The following NUDT1 variants were observed in gnomAD, a reference collection of about 807,000 sequenced individuals.
The protein encoded by NUDT1 is nudix hydrolase 1, also known as oxidized purine nucleoside triphosphate hydrolase.
NUDT1 carries 16 observed loss-of-function variants against 11.3 expected under a neutral mutation model. The observed-to-expected ratio is 1.41, with a 90% CI of 0.96 to 2.15. The LOEUF (loss-of-function observed/expected upper bound fraction) is 2.15. NUDT1 is among the 30% of genes most tolerant of loss of function. The pLI, the probability that NUDT1 is intolerant of heterozygous loss-of-function variation, is 0.00. For missense variants in NUDT1, 234 were observed against 208.4 expected (o/e 1.12, Z -0.76); for synonymous variants, 101 against 84.4 (o/e 1.20, Z -1.08).
chr7:2,250,887 C>G lies in NUDT1; in HGVS notation c.357C>G (p.Asp119Glu). 6.2e-7 allele frequency: 1 copy of G among 1,614,074 alleles called. No individual in the cohort carries two copies. Among genetic ancestry groups the G allele is most frequent in the Non-Finnish European group, 8.5e-7 (1 of 1,179,996 alleles). ...DQIPFKDMWP[D>E]DSYWFPLLLQ... ...TCCCCTTCAAGGACATGTGGCCCGACGACAGCTACTGGTTTCCACTCCTGC... is the reference window on the plus strand; with the variant it reads ...TCCCCTTCAAGGACATGTGGCCCGAGGACAGCTACTGGTTTCCACTCCTGC... Residue 119 changes from aspartate (D) to glutamate (E), a missense_variant, in exon 4 of 4, where the codon GAC becomes GAG. By Grantham distance (45) the Asp-to-Glu change is conservative. Coordinates refer to ENST00000356714, the MANE Select transcript of NUDT1 (RefSeq NM_002452.4).
intron 2 of NUDT1, 44 bp downstream of exon 2, chr7:2,244,770 G>T: frequency 6.3e-7 from 1 of 1,581,702 alleles, no homozygotes; most frequent in Non-Finnish European, 8.6e-7. Flanking sequence ...CTTTCCCAGG[G>T]CACAGGGATT....
chr7:2,249,799 G>A (rs1345233810), intron 2 of NUDT1, 58 bp from the exon 3 acceptor site: 107 of 1,601,106 alleles, frequency 6.7e-5, no homozygotes, highest in Non-Finnish European at 8.7e-5. Flanking sequence ...CCCTGCCATC[G>A]TGTGGGCATG....
intron 1 of NUDT1, chr7:2,242,616 C>G (rs1794593020): frequency 3.0e-6 from 1 of 332,414 alleles, no homozygotes; most frequent in African/African-American, 2.1e-5. Flanking sequence ...TGACCTGCCT[C>G]CGCCACCAGG....
intron 2 of NUDT1, among the ~76,000 whole-genome samples, chr7:2,246,906 C>G (rs959871268): frequency 6.6e-6 from 1 of 152,122 alleles, no homozygotes; most frequent in African/African-American, 2.4e-5. Flanking sequence ...CGTGAGCCAC[C>G]GTGCCCAGCC....
chr7:2,250,710 G>C, intron 3 of NUDT1, 119 bp from the exon 4 acceptor site: 4 of 773,720 alleles, frequency 5.2e-6, no homozygotes, highest in South Asian at 4.2e-5. Context: ...CTCCCGCCTC[G>C]GCCTCCCAAA....
intron 1 of NUDT1, 118 bp downstream of exon 1, chr7:2,242,374 G>T: frequency 1.9e-6 from 1 of 530,752 alleles, no homozygotes; most frequent in South Asian, 2.4e-5. Flanking sequence ...AGCGGGGCCG[G>T]GAGCTCGAAG....
chr7:2,244,607 G>A lies in NUDT1; in HGVS notation c.33G>A (p.Leu11=). 3 of 1,612,196 alleles carry A rather than the reference G, an allele frequency of 1.9e-6. No individual in the cohort carries two copies. ...CCTCCAGGCTCTATACCCTGGTGCT[G>A]GTCCTGCAGCCTCAGCGAGTTCTCC... MGASRLYTLV[L]VLQPQRVLLG... The change falls in exon 2 of 4, where the codon CTG becomes CTA. Residue 11 remains leucine, a synonymous_variant. Coordinates refer to ENST00000356714, the MANE Select transcript of NUDT1 (RefSeq NM_002452.4).
chr7:2,244,709 C>G lies in NUDT1; in HGVS notation c.135C>G (p.Ile45Met). 1.9e-6 allele frequency: 3 copies of G among 1,611,444 alleles called. No homozygotes were observed. Among genetic ancestry groups the G allele is most frequent in the Non-Finnish European group, 2.5e-6 (3 of 1,179,120 alleles). The change falls in exon 2 of 4, where the codon ATC becomes ATG. Residue 45 changes from isoleucine to methionine, a missense_variant. By Grantham distance (10) the Ile-to-Met change is conservative. Coordinates refer to ENST00000356714, the MANE Select transcript of NUDT1 (RefSeq NM_002452.4). ...GCAAAGTGCAAGAAGGAGAGACCAT[C>G]GAGGATGGGGCTAGGAGGTAAGGAT... ...FGGKVQEGET[I>M]EDGARRELQE... is the part of the protein sequence containing the mutation.
intron 2 of NUDT1, among the ~76,000 whole-genome samples, chr7:2,245,670 T>C (rs1050665750): frequency 6.6e-6 from 1 of 152,140 alleles, no homozygotes; most frequent in African/African-American, 2.4e-5. Context: ...ACGATCCTCC[T>C]GCCTCAGCCT....
At position 2,249,839 on chromosome 7, in the gene NUDT1, G is replaced by A. The variant is rs781445346; in HGVS notation, c.153-18G>A. On this transcript the variant is annotated intron_variant, in intron 2 of 3. Coordinates refer to ENST00000356714, the MANE Select transcript of NUDT1 (RefSeq NM_002452.4). Reference sequence around the variant, plus strand: ...CATGCCCTGACGGCCTCCCTCCCCTGCCCACCTCTGCCCGCAGGGAGCTGC... The same window carrying A: ...CATGCCCTGACGGCCTCCCTCCCCTACCCACCTCTGCCCGCAGGGAGCTGC... 8 of 1,611,592 alleles carry A rather than the reference G, an allele frequency of 5.0e-6. No homozygotes were observed. The highest frequency in any genetic ancestry group is 3.3e-5 in the South Asian group (3 of 91,088).
intron 2 of NUDT1, among the ~76,000 whole-genome samples, chr7:2,248,820 T>C (rs1319061197): frequency 6.6e-6 from 1 of 152,176 alleles, no homozygotes. Context: ...CCTCCAAAAA[T>C]GCTGGGATTA....
At chr7:2,243,070 G>A (rs1301195279) in intron 1 of NUDT1, 3 of 714,746 alleles carry the variant, frequency 4.2e-6, no homozygotes, top group Non-Finnish European at 7.8e-6. Context: ...CTGGAGTCGG[G>A]CTGCTGAGCA....
At chr7:2,243,536 G>A (rs1025714058) in intron 1 of NUDT1, among the ~76,000 whole-genome samples, 1 of 152,208 alleles carries the variant, frequency 6.6e-6, no homozygotes, top group Non-Finnish European at 1.5e-5. Flanking sequence ...ACTTTGGGAG[G>A]CTGAGGTGGG....
At position 2,249,997 on chromosome 7, in the gene NUDT1, G is replaced by A. The variant is rs1185928109; in HGVS notation, c.293G>A (p.Ser98Asn). The change falls in exon 3 of 4, where the codon AGC (serine) becomes AAC (asparagine). Residue 98 changes from serine to asparagine, a missense_variant. By Grantham distance (46) the Ser-to-Asn change is conservative (BLOSUM62 1). Transcript: ENST00000356714. The stretch of plus-strand genomic sequence containing the variant: ...AGCATCCAGGGGACCCCCGTGGAGA[G>A]CGACGGTGAGTCTCACAGGGCCTGC... ...TDSIQGTPVESDEMRPCWFQL... is the reference protein window; with the variant it reads ...TDSIQGTPVENDEMRPCWFQL... 6.2e-7 allele frequency: 1 copy of A among 1,613,802 alleles called. No homozygotes were observed. Among genetic ancestry groups the A allele is most frequent in the Admixed American group, 1.7e-5 (1 of 60,000 alleles).
At chr7:2,244,857 A>T (rs1584637297) in intron 2 of NUDT1, 131 bp downstream of exon 2, 1 of 1,056,030 alleles carries the variant, frequency 9.5e-7, no homozygotes, top group East Asian at 2.6e-5. Flanking sequence ...CGTGAGCCTC[A>T]GTGTCTTCAT....
chr7:2,245,776 G>A (rs983939671), intron 2 of NUDT1, among the ~76,000 whole-genome samples: 42 of 151,596 alleles, frequency 2.8e-4, no homozygotes, highest in Non-Finnish European at 2.6e-4. Context: ...AGGCTCAAGC[G>A]ATCCTCCCTC....
chr7:2,248,112 G>A (rs1794839911), intron 2 of NUDT1: 1 of 152,354 alleles, frequency 6.6e-6, no homozygotes, highest in Non-Finnish European at 1.5e-5. Flanking sequence ...CCAGCACTTT[G>A]GGAGGCCAAA....
intron 1 of NUDT1, 68 bp from the exon 2 acceptor site, chr7:2,244,495 C>T (rs1031676640): frequency 1.5e-6 from 2 of 1,361,720 alleles, no homozygotes; most frequent in East Asian, 2.5e-5. Flanking sequence ...TCCCCTTCCT[C>T]CTGGCCCCTG....
At chr7:2,249,500 C>T (rs935155780) in intron 2 of NUDT1, 7 of 375,088 alleles carry the variant, frequency 1.9e-5, no homozygotes, top group East Asian at 1.3e-4. Flanking sequence ...AACCCTGCCA[C>T]GTGCGGGTCT....
Sources: allele counts gnomAD v4.1 joint callset (sites outside exome capture counted in the v4.1 genomes callset), GRCh38; gene constraint gnomAD v4.1.1; transcripts MANE v1.5; gene names NCBI Gene and HGNC (gene_info 2026-07-23, HGNC 2026-07-21).